The following SKAP1 variants were observed in gnomAD, a reference collection of about 807,000 sequenced individuals.
The protein encoded by SKAP1 is src kinase-associated phosphoprotein 1.
In SKAP1, 44 loss-of-function variants were observed where a neutral mutation model predicts 58.5. That is an observed-to-expected ratio of 0.75 (90% CI 0.59 to 0.97). The LOEUF is 0.97. Ranked by LOEUF, SKAP1 falls within the 50% of genes least tolerant of loss-of-function variation. SKAP1 has a pLI of 0.00. For missense variants in SKAP1, 390 were observed against 435.2 expected, an observed-to-expected ratio of 0.90 and a Z score of 0.92; for synonymous variants, 127 against 149.7, an observed-to-expected ratio of 0.85 and a Z score of 1.11.
At chr17:48,253,328 G>T (rs891927247) in intron 4 of SKAP1, among the ~76,000 whole-genome samples, 1 of 152,094 alleles carries the variant, frequency 6.6e-6, no homozygotes, top group Non-Finnish European at 1.5e-5. Context: ...TTGTGGCAAG[G>T]CCTAGAATTA....
At chr17:48,421,294 T>G (rs1432432788) in intron 1 of SKAP1, among the ~76,000 whole-genome samples, 1 of 144,608 alleles carries the variant, frequency 6.9e-6, no homozygotes, top group African/African-American at 2.6e-5. Flanking sequence ...AAATAGAGTG[T>G]TCTTTTTTTT....
chr17:48,145,985 TA>T (rs1289464373), intron 11 of SKAP1, among the ~76,000 whole-genome samples: 1 of 152,148 alleles, frequency 6.6e-6, no homozygotes, highest in African/African-American at 2.4e-5. Flanking sequence ...GAAACTGGTG[TA>T]AAATTTTGTG....
the SKAP1 span, among the ~76,000 whole-genome samples, chr17:48,441,118 CA>C: frequency 3.5e-4 from 54 of 152,222 alleles, no homozygotes; most frequent in African/African-American, 1.2e-3. Context: ...AAAACAAAAA[CA>C]AAAACCAAAC....
intron 3 of SKAP1, among the ~76,000 whole-genome samples, chr17:48,350,106 G>T (rs546492864): frequency 6.6e-6 from 1 of 152,036 alleles, no homozygotes; most frequent in African/African-American, 2.4e-5. Context: ...CAGCAAATCC[G>T]TTTAGTCCTG....
chr17:48,261,602 A>G (rs1224019581), intron 4 of SKAP1, among the ~76,000 whole-genome samples: 1 of 152,168 alleles, frequency 6.6e-6, no homozygotes, highest in Admixed American at 6.5e-5. Context: ...CAGGCCTGGT[A>G]GCAGTGATCA....
At chr17:48,383,572 A>G (rs1004498065) in intron 2 of SKAP1, among the ~76,000 whole-genome samples, 4 of 152,194 alleles carry the variant, frequency 2.6e-5, no homozygotes, top group Non-Finnish European at 5.9e-5. Context: ...ACTTCGGAAG[A>G]CAGCTGTTTA....
At chr17:48,169,726 G>A (rs1598390886) in intron 10 of SKAP1, among the ~76,000 whole-genome samples, 1 of 152,264 alleles carries the variant, frequency 6.6e-6, no homozygotes, top group East Asian at 1.9e-4. Context: ...TGGATAAGGA[G>A]AGAAGAAAAA....
intron 4 of SKAP1, among the ~76,000 whole-genome samples, chr17:48,193,485 C>A (rs902541404): frequency 2.0e-5 from 3 of 152,160 alleles, no homozygotes; most frequent in Non-Finnish European, 2.9e-5. Flanking sequence ...GAGGTCAGAT[C>A]AGTCTCTAGT....
At chr17:48,322,139 A>T (rs1205389970) in intron 4 of SKAP1, among the ~76,000 whole-genome samples, 1 of 152,204 alleles carries the variant, frequency 6.6e-6, no homozygotes, top group Admixed American at 6.5e-5. Context: ...GTTTTTGTAG[A>T]ATTTCCCATT....
chr17:48,155,138 T>C (rs1337418232), intron 11 of SKAP1, among the ~76,000 whole-genome samples: 1 of 151,878 alleles, frequency 6.6e-6, no homozygotes, highest in Non-Finnish European at 1.5e-5. Flanking sequence ...TGATTTTTAT[T>C]TTTTCTTGAG....
chr17:48,397,418 T>C (rs1347394341), intron 1 of SKAP1, among the ~76,000 whole-genome samples: 1 of 152,048 alleles, frequency 6.6e-6, no homozygotes, highest in Non-Finnish European at 1.5e-5. Flanking sequence ...TAGAGATGGG[T>C]TTTCATCATG....
chr17:48,185,043 G>A, intron 6 of SKAP1, 196 bp from the exon 7 acceptor site: 2 of 530,082 alleles, frequency 3.8e-6, no homozygotes, highest in Middle Eastern at 4.9e-4. Flanking sequence ...GCCAAGCTAG[G>A]GAAATGCAAC....
intron 2 of SKAP1, among the ~76,000 whole-genome samples, chr17:48,396,292 A>G (rs779345343): frequency 6.6e-6 from 1 of 152,196 alleles, no homozygotes; most frequent in Non-Finnish European, 1.5e-5. Flanking sequence ...GGAGATGTGG[A>G]AGTAAAATCA....
upstream of SKAP1, among the ~76,000 whole-genome samples, chr17:48,431,386 G>T (rs1053950402): frequency 6.6e-6 from 1 of 152,228 alleles, no homozygotes; most frequent in Non-Finnish European, 1.5e-5. Flanking sequence ...TTTGAGATGG[G>T]CTCTGAAAAA....
intron 4 of SKAP1, among the ~76,000 whole-genome samples, chr17:48,265,006 G>T (rs2065528055): frequency 6.6e-6 from 1 of 152,080 alleles, no homozygotes; most frequent in Admixed American, 6.5e-5. Flanking sequence ...GACTCTACTG[G>T]GGTGAGCCAC....
the SKAP1 span, among the ~76,000 whole-genome samples, chr17:48,435,732 T>C: frequency 6.6e-6 from 1 of 152,188 alleles, no homozygotes; most frequent in Non-Finnish European, 1.5e-5. Context: ...ACTACAGGTC[T>C]TAGAATTCAG....
chr17:48,410,863 G>T (rs913532306), intron 1 of SKAP1, among the ~76,000 whole-genome samples: 22 of 141,206 alleles, frequency 1.6e-4, no homozygotes, highest in Non-Finnish European at 2.3e-4. Context: ...GGAGGTGGAG[G>T]TTGCAGTGAG....
At chr17:48,324,180 C>G (rs1039842736) in intron 4 of SKAP1, among the ~76,000 whole-genome samples, 1 of 152,074 alleles carries the variant, frequency 6.6e-6, no homozygotes, top group Non-Finnish European at 1.5e-5. Flanking sequence ...CCACTGGTAA[C>G]ATTTTGGTAT....
intron 4 of SKAP1, among the ~76,000 whole-genome samples, chr17:48,270,193 CATAA>C (rs1201137548): frequency 3.3e-5 from 5 of 152,210 alleles, no homozygotes; most frequent in East Asian, 1.9e-4. Flanking sequence ...ATATGGAAAA[CATAA>C]ATAAATAAAA....
Sources: allele counts gnomAD v4.1 joint callset (sites outside exome capture counted in the v4.1 genomes callset), GRCh38; gene constraint gnomAD v4.1.1; transcripts MANE v1.5; gene names NCBI Gene and HGNC (gene_info 2026-07-23, HGNC 2026-07-21).